Variants in IP6K1 observed in about 807,000 individuals in gnomAD.
The protein encoded by IP6K1 is ATP:1D-myo-inositol-hexakisphosphate phosphotransferase.
A neutral mutation model predicts 38.3 loss-of-function variants in IP6K1; 13 were observed. That is an observed-to-expected ratio of 0.34 (90% CI 0.22 to 0.54). The LOEUF is 0.54. Ranked by LOEUF, IP6K1 falls within the 20% of genes least tolerant of loss-of-function variation. The pLI, the probability that IP6K1 is intolerant of heterozygous loss-of-function variation, is 0.92. For synonymous variants in IP6K1, 212 were observed against 229.9 expected (o/e 0.92, Z 0.70); for missense variants, 397 against 599.8 (o/e 0.66, Z 3.53).
At chr3:49,730,989 A>T (rs1438780538) in intron 4 of IP6K1, among the ~76,000 whole-genome samples, 2 of 152,030 alleles carry the variant, frequency 1.3e-5, no homozygotes, top group Non-Finnish European at 2.9e-5. Context: ...GATTACAGGA[A>T]TGAGCCTGGA....
At chr3:49,763,622 C>A (rs2080884971) in intron 1 of IP6K1, among the ~76,000 whole-genome samples, 1 of 152,050 alleles carries the variant, frequency 6.6e-6, no homozygotes, top group South Asian at 2.1e-4. Context: ...TATTACTACT[C>A]ATCATATTAA....
At chr3:49,776,738 T>C (rs1019274213) in intron 1 of IP6K1, among the ~76,000 whole-genome samples, 2 of 152,208 alleles carry the variant, frequency 1.3e-5, no homozygotes, top group African/African-American at 2.4e-5. Context: ...AAGTAAATTT[T>C]AGCAGGTCTG....
chr3:49,784,072 A>C (rs1283841593), intron 1 of IP6K1, among the ~76,000 whole-genome samples: 1 of 151,894 alleles, frequency 6.6e-6, no homozygotes, highest in Non-Finnish European at 1.5e-5. Context: ...GCTGGAGTGC[A>C]GTGGCGCGAT....
At chr3:49,763,215 T>A (rs2108251305) in intron 1 of IP6K1, among the ~76,000 whole-genome samples, 1 of 151,442 alleles carries the variant, frequency 6.6e-6, no homozygotes. Flanking sequence ...ACCATTCTCC[T>A]GCCTAAGCCT....
intron 1 of IP6K1, among the ~76,000 whole-genome samples, chr3:49,752,819 T>C (rs2080790150): frequency 6.7e-6 from 1 of 150,066 alleles, no homozygotes; most frequent in South Asian, 2.1e-4. Flanking sequence ...AGTGGTGCGA[T>C]CTTGGCTTAC....
intron 1 of IP6K1, among the ~76,000 whole-genome samples, chr3:49,748,693 T>C (rs745435958): frequency 6.6e-6 from 1 of 152,192 alleles, no homozygotes. Context: ...ATTGCTGAGC[T>C]GTAGGACAGT....
intron 1 of IP6K1, among the ~76,000 whole-genome samples, chr3:49,749,973 G>A (rs547019830): frequency 2.0e-5 from 3 of 151,930 alleles, no homozygotes; most frequent in African/African-American, 4.8e-5. Flanking sequence ...TGAGTATAGT[G>A]CACACATCTA....
chr3:49,751,136 C>T (rs920365324), intron 1 of IP6K1, among the ~76,000 whole-genome samples: 4 of 134,474 alleles, frequency 3.0e-5, no homozygotes, highest in Admixed American at 1.6e-4. Context: ...GAAATAGCAA[C>T]GGCTCTGACT....
At chr3:49,731,086 TATATAA>T (rs947681698) in intron 4 of IP6K1, among the ~76,000 whole-genome samples, 6 of 150,582 alleles carry the variant, frequency 4.0e-5, no homozygotes, top group African/African-American at 1.2e-4. Flanking sequence ...CAAATTTATA[TATATAA>T]ATATATTTAT....
chr3:49,753,571 G>A (rs2080796879), intron 1 of IP6K1, among the ~76,000 whole-genome samples: 3 of 152,036 alleles, frequency 2.0e-5, no homozygotes, highest in Non-Finnish European at 4.4e-5. Context: ...GTAGTACCTG[G>A]CATATAGTAA....
intron 2 of IP6K1, among the ~76,000 whole-genome samples, chr3:49,747,224 T>A (rs1575312907): frequency 1.3e-5 from 2 of 152,296 alleles, no homozygotes; most frequent in East Asian, 3.9e-4. Flanking sequence ...TGAGCAATCA[T>A]AAAAATTTAT....
chr3:49,736,770 AT>A (rs71080546), intron 3 of IP6K1, among the ~76,000 whole-genome samples: 77,790 of 108,728 alleles, frequency 0.72, 26,668 homozygotes, highest in East Asian at 0.93. Flanking sequence ...TTTGGATTTA[AT>A]TTTTTTTTTT....
At chr3:49,783,654 A>G (rs1236419055) in intron 1 of IP6K1, among the ~76,000 whole-genome samples, 3 of 151,614 alleles carry the variant, frequency 2.0e-5, no homozygotes, top group Non-Finnish European at 4.4e-5. Flanking sequence ...TGGAGCTTGC[A>G]GTAAGCCAAG....
chr3:49,777,842 G>C (rs368761168), intron 1 of IP6K1, among the ~76,000 whole-genome samples: 5 of 151,960 alleles, frequency 3.3e-5, no homozygotes, highest in Non-Finnish European at 5.9e-5. Flanking sequence ...GTGAACCCGG[G>C]AGGCGGAGCT....
rs1007150882 is a variant in IP6K1, at chr3:49,724,690, C to T, written c.*2432G>A. 11 of 152,656 alleles carry T rather than the reference C, an allele frequency of 7.2e-5. No individual in the cohort carries two copies. The highest frequency in any genetic ancestry group is 2.7e-4 in the African/African-American group (11 of 41,468). The allele number at this position is 152,656 out of a possible 1,614,324, so 9.5% of individuals were successfully genotyped here. On this transcript the variant is annotated 3_prime_UTR_variant, in exon 6 of 6. Transcript: ENST00000321599. ...ACGTGCATGTGGTCAGGAGTGAGCG[C>T]GTGAGCAGCGGCTACGTAACTAGCA... is the stretch of plus-strand genomic sequence containing the variant.
chr3:49,754,967 G>C (rs2080809719), intron 1 of IP6K1, among the ~76,000 whole-genome samples: 1 of 148,266 alleles, frequency 6.7e-6, no homozygotes, highest in South Asian at 2.1e-4. Context: ...CTGTTGTCCA[G>C]ACTAGATTGC....
At position 49,727,689 on chromosome 3, in the gene IP6K1, A is replaced by C. The variant is rs752319666; in HGVS notation, c.793-34T>G. 1 of 1,597,788 alleles carries C rather than the reference A, an allele frequency of 6.3e-7. No individual in the cohort carries two copies. The highest frequency in any genetic ancestry group is 1.3e-5 in the African/African-American group (1 of 74,650). On this transcript the variant is annotated intron_variant, in intron 5 of 5. Transcript: ENST00000321599. This position sits in a 1 kb window ranked among gnomAD's most constrained non-coding sequence, Gnocchi z 5.9. Reference sequence around the variant, plus strand: ...CCAGGAGGCAGACAGGGTGAGTGCCAGGGAAGTCTGAAGAGCTCACAGTGC... The same window carrying C: ...CCAGGAGGCAGACAGGGTGAGTGCCCGGGAAGTCTGAAGAGCTCACAGTGC...
At chr3:49,764,654 A>G (rs2080894226) in intron 1 of IP6K1, among the ~76,000 whole-genome samples, 2 of 151,938 alleles carry the variant, frequency 1.3e-5, no homozygotes, top group Non-Finnish European at 2.9e-5. Flanking sequence ...CAAGGCAAGC[A>G]GATCACTTGA....
At chr3:49,734,969 G>A (rs2080594979) in intron 3 of IP6K1, among the ~76,000 whole-genome samples, 2 of 152,050 alleles carry the variant, frequency 1.3e-5, no homozygotes, top group South Asian at 4.1e-4. Flanking sequence ...GGACACAGGC[G>A]GACAGTGATG....
Sources: allele counts gnomAD v4.1 joint callset (sites outside exome capture counted in the v4.1 genomes callset), GRCh38; gene constraint gnomAD v4.1.1; non-coding constraint Gnocchi (gnomAD v3.1); transcripts MANE v1.5; gene names NCBI Gene and HGNC (gene_info 2026-07-23, HGNC 2026-07-21).